The following SPNS3 variants were observed in gnomAD, a reference collection of about 807,000 sequenced individuals.
SPNS3 encodes the protein protein spinster homolog 3.
SPNS3 carries 51 observed loss-of-function variants against 54.4 expected under a neutral mutation model. The ratio of observed to expected loss-of-function variants is 0.94; its 90% CI spans 0.75 to 1.18. SPNS3 has a LOEUF of 1.18. Ranked by LOEUF, SPNS3 falls within the 50% of genes most tolerant of loss-of-function variation. The pLI, the probability that SPNS3 is intolerant of heterozygous loss-of-function variation, is 0.00. For synonymous variants in SPNS3, 309 were observed against 294.7 expected (o/e 1.05, Z -0.50); for missense variants, 669 against 677.4 (o/e 0.99, Z 0.14).
intron 8 of SPNS3, among the ~76,000 whole-genome samples, chr17:4,473,080 C>T (rs1045740451): frequency 2.0e-5 from 3 of 152,074 alleles, no homozygotes; most frequent in Non-Finnish European, 1.5e-5. Context: ...TGAGCCACTG[C>T]GCCTGGCTGC....
chr17:4,487,900 C>G lies in SPNS3; in HGVS notation c.*6C>G. The G allele has an allele frequency of 6.2e-7, 1 of 1,612,916 alleles. No individual in the cohort carries two copies. Among genetic ancestry groups the G allele is most frequent in the East Asian group, 2.2e-5 (1 of 44,890 alleles). ...CCTCTACAGAGGAGCCCTGAGGTCC[C>G]TGCCTACACTCGTCCTGCCTGCAAG... On this transcript the variant is annotated 3_prime_UTR_variant, in exon 12 of 12. Coordinates refer to ENST00000355530, the MANE Select transcript of SPNS3 (RefSeq NM_182538.5).
chr17:4,465,777 G>C (rs1307538142), intron 8 of SPNS3, among the ~76,000 whole-genome samples: 1 of 152,228 alleles, frequency 6.6e-6, no homozygotes, highest in East Asian at 1.9e-4. Flanking sequence ...TCAGTGATCT[G>C]AAAGAACTTG....
rs375230519 is a variant in SPNS3, at chr17:4,478,688, T to C, written c.1179+51T>C. ...GCTGAGCAGGGGGAGCTGGAGAGGATTGGGCCTCTGCTGCTGAGCAGCTGG... is the reference window on the plus strand; with the variant it reads ...GCTGAGCAGGGGGAGCTGGAGAGGACTGGGCCTCTGCTGCTGAGCAGCTGG... On this transcript the variant is annotated intron_variant, in intron 9 of 11. Transcript: ENST00000355530. 5.2e-6 allele frequency: 8 copies of C among 1,542,028 alleles called. No individual in the cohort carries two copies. In the African/African-American group the frequency reaches 5.4e-5, roughly 10 times the overall value.
chr17:4,446,249 A>G, intron 4 of SPNS3, 50 bp downstream of exon 4: 1 of 1,565,348 alleles, frequency 6.4e-7, no homozygotes, highest in East Asian at 2.3e-5. Flanking sequence ...CTGAGGCCCA[A>G]AGGAGTCAGA....
chr17:4,442,699 G>C (rs1016681521), intron 2 of SPNS3, among the ~76,000 whole-genome samples: 1 of 152,136 alleles, frequency 6.6e-6, no homozygotes, highest in African/African-American at 2.4e-5. Flanking sequence ...ACGATTCTAA[G>C]TGCTTTAAAT....
Position 4,433,974 on chromosome 17 carries a change from G to C in SPNS3, c.7G>C (p.Gly3Arg), listed in dbSNP as rs759753496. The change falls in exon 1 of 12, where the codon GGG (glycine) becomes CGG (arginine). Residue 3 changes from glycine (G) to arginine (R), a missense_variant. Physicochemically the swap from Gly to Arg is moderately radical, Grantham distance 125 (BLOSUM62 -2). Coordinates refer to ENST00000355530, the MANE Select transcript of SPNS3 (RefSeq NM_182538.5). MA[G>R]GMSAECPEPG... ...CCAAGAGCTGCAGGCTGGCATGGCT[G>C]GGGGGATGTCAGCGGAGTGCCCTGA... 1.3e-6 allele frequency: 2 copies of C among 1,535,740 alleles called. No individual in the cohort carries two copies. Among genetic ancestry groups the C allele is most frequent in the Non-Finnish European group, 1.8e-6 (2 of 1,140,110 alleles).
At chr17:4,457,907 T>C (rs1274049050) in intron 8 of SPNS3, among the ~76,000 whole-genome samples, 1 of 152,010 alleles carries the variant, frequency 6.6e-6, no homozygotes, top group Non-Finnish European at 1.5e-5. Context: ...AGGGCCAGAG[T>C]GCATCCCTCC....
At chr17:4,435,583 C>T (rs903030876) in intron 1 of SPNS3, among the ~76,000 whole-genome samples, 1 of 151,970 alleles carries the variant, frequency 6.6e-6, no homozygotes, top group Non-Finnish European at 1.5e-5. Context: ...CAGGCAGAGG[C>T]CCCCAGGTTC....
intron 11 of SPNS3, among the ~76,000 whole-genome samples, chr17:4,487,175 A>AAAG (rs1972344305): frequency 7.1e-6 from 1 of 140,224 alleles, no homozygotes; most frequent in Non-Finnish European, 1.7e-5. Context: ...CTCAAAAAAA[A>AAAG]AAAAAAAAAA....
chr17:4,444,837 C>T, intron 2 of SPNS3, 195 bp from the exon 3 acceptor site: 4 of 675,656 alleles, frequency 5.9e-6, no homozygotes, highest in Non-Finnish European at 1.0e-5. Flanking sequence ...ATTGAGGCCT[C>T]CACACTCTGG....
chr17:4,444,890 T>C (rs1970941378), intron 2 of SPNS3, 142 bp from the exon 3 acceptor site: 2 of 1,016,486 alleles, frequency 2.0e-6, no homozygotes, highest in Admixed American at 4.6e-5. Flanking sequence ...GTTCACCTTA[T>C]CTTTTCTTCC....
intron 5 of SPNS3, among the ~76,000 whole-genome samples, chr17:4,447,372 G>A (rs1359373213): frequency 1.3e-5 from 2 of 152,234 alleles, no homozygotes; most frequent in Non-Finnish European, 2.9e-5. Context: ...CAGCAGTTCA[G>A]CAGAATGCTC....
intron 8 of SPNS3, among the ~76,000 whole-genome samples, chr17:4,467,849 A>G (rs1325764027): frequency 1.3e-5 from 2 of 152,206 alleles, no homozygotes; most frequent in African/African-American, 4.8e-5. Context: ...TATTTTTAGT[A>G]GAGAGGGGGG....
intron 7 of SPNS3, among the ~76,000 whole-genome samples, chr17:4,449,893 C>T (rs1290622094): frequency 2.6e-5 from 4 of 152,160 alleles, no homozygotes; most frequent in African/African-American, 9.7e-5. Flanking sequence ...CACGCCCTCT[C>T]CCGCTTCCTG....
At chr17:4,445,584 C>T (rs946535269) in intron 3 of SPNS3, among the ~76,000 whole-genome samples, 5 of 152,054 alleles carry the variant, frequency 3.3e-5, no homozygotes, top group African/African-American at 1.2e-4. Flanking sequence ...ACCATGTGGG[C>T]CAGGCTGGTC....
intron 8 of SPNS3, among the ~76,000 whole-genome samples, chr17:4,468,999 G>A (rs1165802902): frequency 6.6e-6 from 1 of 151,860 alleles, no homozygotes. Flanking sequence ...TGTTGCCCAG[G>A]CTGGTCTCGA....
intron 1 of SPNS3, among the ~76,000 whole-genome samples, chr17:4,438,472 G>A (rs1005649942): frequency 3.9e-5 from 6 of 152,194 alleles, no homozygotes; most frequent in African/African-American, 9.6e-5. Context: ...GGCCAGAGCC[G>A]CATGGCTCAC....
rs1229200564 is a variant in SPNS3 at position 4,483,123 on chromosome 17, C to T, written c.1180-3105C>T. 2.0e-5 allele frequency among the ~76,000 whole-genome samples: 3 copies of T among 152,224 alleles called. No individual in the cohort carries two copies. The highest frequency in any genetic ancestry group is 4.4e-5 in the Non-Finnish European group (3 of 68,048). ...CCCCAGGTAGCTGTCTGCTCACTGG[C>T]CTGTCTCACCCTCTCAGGGGCGTCT... is the stretch of plus-strand genomic sequence containing the variant. On this transcript the variant is annotated intron_variant, in intron 9 of 11. Coordinates refer to ENST00000355530, the MANE Select transcript of SPNS3 (RefSeq NM_182538.5). The surrounding 1 kb of genome is among the most constrained non-coding windows in gnomAD (Gnocchi z 4.2).
intron 8 of SPNS3, among the ~76,000 whole-genome samples, chr17:4,468,755 T>TTCTTTCTTTCTTTCTTTCTTTCTTTCTC: frequency 1.1e-4 from 16 of 143,960 alleles, no homozygotes; most frequent in African/African-American, 4.5e-4. Context: ...CTTTCTTTCT[T>TTCTTTCTTTCTTTCTTTCTTTCTTTCTC]TCTTTCTCTC....
Sources: allele counts gnomAD v4.1 joint callset (sites outside exome capture counted in the v4.1 genomes callset), GRCh38; gene constraint gnomAD v4.1.1; non-coding constraint Gnocchi (gnomAD v3.1); transcripts MANE v1.5; gene names NCBI Gene and HGNC (gene_info 2026-07-23, HGNC 2026-07-21).